The following CPE variants were observed in gnomAD, a reference collection of about 807,000 sequenced individuals.
CPE encodes the protein carbocypeptidase E.
In CPE, 17 loss-of-function variants were observed where a neutral mutation model predicts 53.5. That is an observed-to-expected ratio of 0.32 (90% CI 0.22 to 0.48). CPE has a LOEUF of 0.48. CPE is among the 20% of genes least tolerant of loss of function. The pLI is 0.99. For missense variants in CPE, 524 were observed against 614.7 expected, an observed-to-expected ratio of 0.85 and a Z score of 1.56; for synonymous variants, 226 against 228.8, an observed-to-expected ratio of 0.99 and a Z score of 0.11.
chr4:165,421,190 A>G (rs1298656107), intron 1 of CPE, among the ~76,000 whole-genome samples: 1 of 152,186 alleles, frequency 6.6e-6, no homozygotes, highest in Non-Finnish European at 1.5e-5. Context: ...ACACAAACCT[A>G]CTGAGTGTGC....
chr4:165,398,735 T>A (rs1200175356), intron 1 of CPE, among the ~76,000 whole-genome samples: 1 of 152,192 alleles, frequency 6.6e-6, no homozygotes, highest in African/African-American at 2.4e-5. Flanking sequence ...GCTTAGCAAC[T>A]GAAGACAGAT....
intron 3 of CPE, among the ~76,000 whole-genome samples, chr4:165,469,111 G>A (rs1041623926): frequency 1.2e-4 from 19 of 152,060 alleles, no homozygotes; most frequent in Non-Finnish European, 1.5e-5. Context: ...GTAATTTTTT[G>A]GTACTCTCTG....
At position 165,392,278 on chromosome 4, in the gene CPE, T is replaced by C. The variant is rs1173391051; in HGVS notation, c.307+12750T>C. On this transcript the variant is annotated intron_variant, in intron 1 of 8. Coordinates refer to ENST00000402744, the MANE Select transcript of CPE (RefSeq NM_001873.4). ...TAATATATATTTATATATTTACATA[T>C]AATAGTATGTATCTATAATATATAT... Among the ~76,000 whole-genome samples the C allele has an allele frequency of 2.0e-5, 3 of 146,874 alleles. No homozygotes were observed. In the East Asian group the frequency reaches 5.9e-4, roughly 29 times the overall value.
intron 1 of CPE, among the ~76,000 whole-genome samples, chr4:165,450,865 G>T (rs182732687): frequency 1.3e-5 from 2 of 152,330 alleles, no homozygotes; most frequent in East Asian, 3.9e-4. Context: ...GTAGGTTGGA[G>T]TAAGAAAAAG....
intron 1 of CPE, among the ~76,000 whole-genome samples, chr4:165,445,224 G>A (rs943241765): frequency 2.0e-5 from 3 of 152,046 alleles, no homozygotes; most frequent in Non-Finnish European, 4.4e-5. Flanking sequence ...CCAAAGTGCT[G>A]GGTGTACATG....
chr4:165,421,922 G>T (rs1366494469), intron 1 of CPE, among the ~76,000 whole-genome samples: 1 of 151,870 alleles, frequency 6.6e-6, no homozygotes, highest in East Asian at 1.9e-4. Flanking sequence ...AAATAGTTTT[G>T]TAAGAAGTTA....
At chr4:165,485,761 C>T (rs187587895) in intron 5 of CPE, among the ~76,000 whole-genome samples, 70 of 152,192 alleles carry the variant, frequency 4.6e-4, no homozygotes, top group Non-Finnish European at 9.1e-4. Flanking sequence ...TTAACGATTA[C>T]GTCTCGCTTA....
intron 1 of CPE, among the ~76,000 whole-genome samples, chr4:165,459,821 CAGA>C (rs749937555): frequency 3.3e-4 from 48 of 145,378 alleles, no homozygotes; most frequent in Non-Finnish European, 6.0e-4. Context: ...GAGGCTGAGG[CAGA>C]AGAATTGCTT....
intron 1 of CPE, among the ~76,000 whole-genome samples, chr4:165,423,367 C>A (rs975753837): frequency 6.6e-6 from 1 of 151,452 alleles, no homozygotes; most frequent in Non-Finnish European, 1.5e-5. Context: ...TAATTTTCTT[C>A]TTTGATCTCA....
At chr4:165,488,440 G>A (rs1214317744) in intron 6 of CPE, among the ~76,000 whole-genome samples, 1 of 152,114 alleles carries the variant, frequency 6.6e-6, no homozygotes, top group Non-Finnish European at 1.5e-5. Context: ...ACCTACTCAG[G>A]CCAGTCCTCT....
At chr4:165,410,098 A>T (rs890413091) in intron 1 of CPE, among the ~76,000 whole-genome samples, 2 of 151,864 alleles carry the variant, frequency 1.3e-5, no homozygotes. Context: ...AAAATACAAA[A>T]ATTAGCTGGG....
chr4:165,477,769 C>T (rs1192691307), intron 3 of CPE, among the ~76,000 whole-genome samples: 1 of 151,884 alleles, frequency 6.6e-6, no homozygotes, highest in Non-Finnish European at 1.5e-5. Context: ...ATAAGCTGAT[C>T]CAGGCCTGGG....
chr4:165,482,896 A>G (rs2126711715), intron 4 of CPE, among the ~76,000 whole-genome samples: 1 of 152,206 alleles, frequency 6.6e-6, no homozygotes, highest in African/African-American at 2.4e-5. Context: ...AGCCAGACAG[A>G]TATTTTCAAA....
chr4:165,477,387 C>G lies in CPE; in HGVS notation c.673-4855C>G, dbSNP rs1206085772. Among the ~76,000 whole-genome samples the G allele has an allele frequency of 2.0e-5, 3 of 152,054 alleles. No individual in the cohort carries two copies. In the East Asian group the frequency reaches 5.8e-4, roughly 29 times the overall value. On this transcript the variant is annotated intron_variant, in intron 3 of 8. Transcript: ENST00000402744. ...ATGAAAGATTAGTCCCTTTTTGGAACATAAGCAAGATTTGTTTACTTTACA... is the reference window on the plus strand; with the variant it reads ...ATGAAAGATTAGTCCCTTTTTGGAAGATAAGCAAGATTTGTTTACTTTACA...
intron 1 of CPE, chr4:165,405,210 G>A (rs187611078): frequency 4.2e-5 from 33 of 788,192 alleles, no homozygotes; most frequent in East Asian, 2.9e-4. Flanking sequence ...ATAGTCTTTC[G>A]CCCCTTATCC....
At chr4:165,383,739 G>A (rs1310112869) in intron 1 of CPE, among the ~76,000 whole-genome samples, 1 of 152,064 alleles carries the variant, frequency 6.6e-6, no homozygotes, top group African/African-American at 2.4e-5. Flanking sequence ...AAATAAGTGG[G>A]GATTTTTATT....
intron 1 of CPE, among the ~76,000 whole-genome samples, chr4:165,440,707 A>C (rs939549875): frequency 6.6e-6 from 1 of 152,108 alleles, no homozygotes; most frequent in Non-Finnish European, 1.5e-5. Flanking sequence ...GTGAGTCAGA[A>C]AATACCACCT....
In CPE at chr4:165,379,356, A is replaced by G; in HGVS notation, c.135A>G (p.Gln45=). The part of the protein sequence containing the change: ...AGMRRRRRLQ[Q]EDGISFEYHR... ...TGAGGCGGCGCCGGCGGCTGCAGCA[A>G]GAGGACGGCATCTCCTTCGAGTACC... Residue 45 remains glutamine, a synonymous_variant, in exon 1 of 9, where the codon CAA becomes CAG. Transcript: ENST00000402744. The surrounding 1 kb of genome is among the most constrained non-coding windows in gnomAD (Gnocchi z 6.0). 1.3e-6 allele frequency: 2 copies of G among 1,597,086 alleles called. No homozygotes were observed. Among genetic ancestry groups the G allele is most frequent in the Admixed American group, 1.7e-5 (1 of 58,468 alleles).
intron 1 of CPE, among the ~76,000 whole-genome samples, chr4:165,427,545 T>G (rs11728267): frequency 0.3 from 44,917 of 152,024 alleles, 6,727 homozygotes; most frequent in Middle Eastern, 0.39. Context: ...GGGTATAATT[T>G]CTGAATTAAA....
Sources: gnomAD v4.1 joint callset for allele counts (sites outside exome capture counted in the v4.1 genomes callset) on GRCh38, gnomAD v4.1.1 for gene constraint, Gnocchi (gnomAD v3.1) non-coding constraint, MANE v1.5 for transcripts, NCBI Gene and HGNC (gene_info 2026-07-23, HGNC 2026-07-21) for gene names.